The following SLC2A5 variants were observed in gnomAD, a reference collection of about 807,000 sequenced individuals.
SLC2A5 encodes the protein solute carrier family 2 member 5, also known as solute carrier family 2, facilitated glucose transporter member 5.
Under a neutral mutation model 50.3 loss-of-function variants are expected in SLC2A5, and 56 were observed. The ratio of observed to expected loss-of-function variants is 1.11; its 90% CI spans 0.90 to 1.39. The LOEUF is 1.39. Ranked by LOEUF, SLC2A5 falls within the 40% of genes most tolerant of loss-of-function variation. SLC2A5 has a pLI of 0.00. For missense variants in SLC2A5, 566 were observed against 650.1 expected (o/e 0.87, Z 1.41); for synonymous variants, 269 against 281.9 (o/e 0.95, Z 0.46).
intron 2 of SLC2A5, among the ~76,000 whole-genome samples, chr1:9,077,496 T>G (rs952333806): frequency 3.3e-5 from 5 of 149,750 alleles, no homozygotes; most frequent in Non-Finnish European, 7.4e-5. Flanking sequence ...ATCCCAGCAC[T>G]TTGGGAGGCT....
At chr1:9,056,465 G>A (rs1474434426) in intron 3 of SLC2A5, among the ~76,000 whole-genome samples, 1 of 152,112 alleles carries the variant, frequency 6.6e-6, no homozygotes, top group Non-Finnish European at 1.5e-5. Flanking sequence ...GATTACAGAC[G>A]TGAGCCACTG....
intron 5 of SLC2A5, chr1:9,041,274 C>T (rs1023426200): frequency 3.5e-5 from 14 of 405,148 alleles, no homozygotes; most frequent in African/African-American, 2.5e-4. Flanking sequence ...AGGCCCCAGG[C>T]TGTCTTGGGG....
chr1:9,069,011 G>C (rs1642155872), intron 1 of SLC2A5, among the ~76,000 whole-genome samples: 1 of 152,172 alleles, frequency 6.6e-6, no homozygotes, highest in South Asian at 2.1e-4. Flanking sequence ...GGGAGCCTCA[G>C]GATCTAAAAG....
intron 2 of SLC2A5, among the ~76,000 whole-genome samples, chr1:9,080,583 G>A (rs1002378882): frequency 5.3e-5 from 8 of 152,170 alleles, no homozygotes; most frequent in African/African-American, 1.7e-4. Flanking sequence ...CCCTAATGAT[G>A]AGTGACGTTG....
intron 4 of SLC2A5, among the ~76,000 whole-genome samples, chr1:9,042,638 GGTGTGTGTGTGGCCTGGGTGT>G (rs1420312434): frequency 7.2e-6 from 1 of 139,470 alleles, no homozygotes; most frequent in Non-Finnish European, 1.6e-5. Flanking sequence ...TGTGTGTGTG[GGTGTGTGTGTGGCCTGGGTGT>G]GTGTGTGTGT....
rs766902531 is a variant in SLC2A5, at chr1:9,037,541, TGGGAA to T, written c.*40_*44del. On this transcript the variant is annotated 3_prime_UTR_variant, in exon 12 of 12. Transcript: ENST00000377424. ...TAGAAGTCAGAAAAATAAGCCAAAGTGGGAAGCCCCTGGCAGACCAGCTCCACTGG... is the reference window on the plus strand; with the variant it reads ...TAGAAGTCAGAAAAATAAGCCAAAGTGCCCCTGGCAGACCAGCTCCACTGG... 1 of 1,542,802 alleles carries T rather than the reference TGGGAA, an allele frequency of 6.5e-7. No homozygotes were observed. The highest frequency in any genetic ancestry group is 8.9e-7 in the Non-Finnish European group (1 of 1,117,880).
intron 1 of SLC2A5, among the ~76,000 whole-genome samples, chr1:9,059,515 G>A (rs990105497): frequency 5.0e-5 from 7 of 141,206 alleles, no homozygotes; most frequent in Non-Finnish European, 1.1e-4. Context: ...CTATCCCACG[G>A]TATCTAAATC....
chr1:9,063,703 T>C, intron 1 of SLC2A5, among the ~76,000 whole-genome samples: 1 of 107,958 alleles, frequency 9.3e-6, no homozygotes, highest in African/African-American at 4.2e-5. Context: ...TTTTTTTTTT[T>C]TTTTTTTTTG....
chr1:9,057,681 A>G (rs2124405552), intron 2 of SLC2A5, 73 bp from the exon 3 acceptor site: 1 of 1,352,794 alleles, frequency 7.4e-7, no homozygotes, highest in Non-Finnish European at 1.0e-6. Context: ...AGCTGTTAGG[A>G]CACCCAATGA....
At chr1:9,050,649 C>T (rs1316744962) in intron 3 of SLC2A5, among the ~76,000 whole-genome samples, 1 of 151,956 alleles carries the variant, frequency 6.6e-6, no homozygotes, top group Non-Finnish European at 1.5e-5. Context: ...TCTAGACAGT[C>T]TTGGGTTTGG....
At chr1:9,060,154 CACACACT>C (rs1215568881) in intron 1 of SLC2A5, among the ~76,000 whole-genome samples, 18 of 146,466 alleles carry the variant, frequency 1.2e-4, no homozygotes, top group Non-Finnish European at 2.6e-4. Context: ...ATACACACTA[CACACACT>C]ACACACTACA....
At chr1:9,038,295 C>T in intron 10 of SLC2A5, 136 bp downstream of exon 10, 2 of 729,990 alleles carry the variant, frequency 2.7e-6, no homozygotes, top group Non-Finnish European at 4.8e-6. Flanking sequence ...GCCACCCACC[C>T]CCTTGCGGTG....
chr1:9,037,461 A>G lies in SLC2A5; in HGVS notation c.*125T>C, dbSNP rs1641160633. 2 of 793,414 alleles carry G rather than the reference A, an allele frequency of 2.5e-6. No individual in the cohort carries two copies. The highest frequency in any genetic ancestry group is 4.2e-6 in the Non-Finnish European group (2 of 477,052). 49.1% of individuals were successfully genotyped at this position (793,414 alleles called of 1,614,324 possible). ...TCCCACTGGGGTGGGGAGGCTGGAG[A>G]TGAGGACTGCATTCCACATCAGAGT... On this transcript the variant is annotated 3_prime_UTR_variant, in exon 12 of 12. Transcript: ENST00000377424.
At chr1:9,082,444 G>T (rs1642365088) in intron 2 of SLC2A5, among the ~76,000 whole-genome samples, 1 of 152,084 alleles carries the variant, frequency 6.6e-6, no homozygotes, top group East Asian at 1.9e-4. Flanking sequence ...CCAGGCACAG[G>T]GGTGCATGCC....
rs191870242 is a variant in SLC2A5 at position 9,068,837 on chromosome 1, T to C, written c.33+667A>G. Among the ~76,000 whole-genome samples the C allele has an allele frequency of 1.3e-3, 204 of 152,334 alleles. 2 individuals are homozygous for C. Among genetic ancestry groups the C allele is most frequent in the African/African-American group, 4.8e-3 (198 of 41,566 alleles). On this transcript the variant is annotated intron_variant, in intron 1 of 11. Transcript: ENST00000377424. Reference sequence around the variant, plus strand: ...TGCACTATCCTTCCTCCACTCCAAATATAAGCAGATGCTATTGTGATGAAT... The same window carrying C: ...TGCACTATCCTTCCTCCACTCCAAACATAAGCAGATGCTATTGTGATGAAT...
In SLC2A5 at chr1:9,038,846, A is replaced by G; in HGVS notation, c.1080T>C (p.Thr360=). The G allele has an allele frequency of 6.2e-7, 1 of 1,611,748 alleles. No homozygotes were observed. Among genetic ancestry groups the G allele is most frequent in the South Asian group, 1.1e-5 (1 of 90,802 alleles). Residue 360 remains threonine (T), a synonymous_variant, in exon 9 of 12, where the codon ACT becomes ACC. Transcript: ENST00000377424. Reference sequence around the variant, plus strand: ...TCCTCACCTGCAGTGCCAGAGCTGCAGTGAGCACGCAGCAGGCTATGAGGC... The same window carrying G: ...TCCTCACCTGCAGTGCCAGAGCTGCGGTGAGCACGCAGCAGGCTATGAGGC... ...SICLIACCVL[T]AALALQDTVS... is the part of the protein sequence containing the mutation.
At chr1:9,060,237 A>AC (rs1280068223) in intron 1 of SLC2A5, among the ~76,000 whole-genome samples, 1 of 32,174 alleles carries the variant, frequency 3.1e-5, no homozygotes, top group Non-Finnish European at 5.6e-5. Context: ...ATACACACAC[A>AC]CCCCCCATGT....
chr1:9,043,785 G>C (rs528618329), intron 4 of SLC2A5, among the ~76,000 whole-genome samples: 2 of 151,274 alleles, frequency 1.3e-5, no homozygotes, highest in Admixed American at 6.6e-5. Context: ...GCAGTGGTGC[G>C]ATCTCAGCTC....
chr1:9,037,817 G>A, intron 11 of SLC2A5, 28 bp from the exon 12 acceptor site: 1 of 1,613,962 alleles, frequency 6.2e-7, no homozygotes, highest in Non-Finnish European at 8.5e-7. Context: ...GGTGACACGT[G>A]TGGGACGTGG....
Sources: gnomAD v4.1 joint callset for allele counts (sites outside exome capture counted in the v4.1 genomes callset) on GRCh38, gnomAD v4.1.1 for gene constraint, MANE v1.5 for transcripts, NCBI Gene and HGNC (gene_info 2026-07-23, HGNC 2026-07-21) for gene names.